Variants in PPP2R3B observed in about 807,000 individuals in gnomAD.
The protein encoded by PPP2R3B is protein phosphatase 2 regulatory subunit B''beta, also known as serine/threonine-protein phosphatase 2A regulatory subunit B'' subunit beta.
A neutral mutation model predicts 72.9 loss-of-function variants in PPP2R3B; 68 were observed. The observed-to-expected ratio is 0.93, with a 90% CI of 0.77 to 1.14. PPP2R3B has a LOEUF of 1.14. Ranked by LOEUF, PPP2R3B falls within the 50% of genes most tolerant of loss-of-function variation. The pLI is 0.00. For synonymous variants in PPP2R3B, 466 were observed against 375.8 expected, an observed-to-expected ratio of 1.24 and a Z score of -2.78; for missense variants, 1,018 against 842.0, an observed-to-expected ratio of 1.21 and a Z score of -2.59.
chrX:356,280 A>G (rs1357226577), intron 2 of PPP2R3B, among the ~76,000 whole-genome samples: 1 of 152,132 alleles, frequency 6.6e-6, no homozygotes, highest in Non-Finnish European at 1.5e-5. Context: ...CAGTGGTGCG[A>G]TCTTGGCTCA....
At chrX:368,071 G>C (rs4906978) in intron 1 of PPP2R3B, among the ~76,000 whole-genome samples, 64,671 of 152,008 alleles carry the variant, frequency 0.43, 14,507 homozygotes, top group African/African-American at 0.57. Flanking sequence ...GACACAAACT[G>C]AGCCCGCTAG....
chrX:364,527 A>AC (rs1482878712), intron 1 of PPP2R3B, among the ~76,000 whole-genome samples: 2 of 151,276 alleles, frequency 1.3e-5, no homozygotes, highest in Non-Finnish European at 1.5e-5. Flanking sequence ...AAAACAAAAA[A>AC]AAAAAAACAG....
rs1433141248 is a variant in PPP2R3B, at chrX:384,014, ACT to A, written c.324+2352_324+2353del. ...CAACATCGTAAGACTGACAGAACAGACTCTGTGGCAAACAAGACCAAGGGCCA... is the reference window on the plus strand; with the variant it reads ...CAACATCGTAAGACTGACAGAACAGACTGTGGCAAACAAGACCAAGGGCCA... On this transcript the variant is annotated intron_variant, in intron 1 of 12. Coordinates refer to ENST00000390665, the MANE Select transcript of PPP2R3B (RefSeq NM_013239.5). Among the ~76,000 whole-genome samples, 3 of 151,892 alleles carry A rather than the reference ACT, an allele frequency of 2.0e-5. No individual in the cohort carries two copies. In the South Asian group the frequency reaches 6.2e-4, roughly 31 times the overall value.
chrX:353,542 A>G (rs2071372288), intron 2 of PPP2R3B, among the ~76,000 whole-genome samples: 1 of 152,204 alleles, frequency 6.6e-6, no homozygotes, highest in Non-Finnish European at 1.5e-5. Context: ...GGCTCCAGAA[A>G]AGTGAATTCT....
At chrX:340,652 G>A (rs190440182) in intron 10 of PPP2R3B, 113 bp downstream of exon 10, 3,277 of 229,398 alleles carry the variant, frequency 0.014, 221 homozygotes, top group East Asian at 0.037. Context: ...TCCCTGGGCT[G>A]TCATCCGTCC....
intron 1 of PPP2R3B, among the ~76,000 whole-genome samples, chrX:366,684 T>C (rs1265825325): frequency 6.8e-5 from 4 of 59,200 alleles, no homozygotes; most frequent in Non-Finnish European, 1.3e-4. Flanking sequence ...GGCGACAGAG[T>C]GAGACTCTGT....
In PPP2R3B at chrX:345,500, CT is replaced by C. The variant is rs772419472; in HGVS notation, c.1036+15del. 9.9e-6 allele frequency: 16 copies of C among 1,612,374 alleles called. No homozygotes were observed. The South Asian group carries it at 1.5e-4, about 15-fold the overall frequency. ...CGGTGTCCGCGCGGCCCGCCCGCCC[CT>C]GTGCCCCCACGCACCGTGGTCATTG... is the stretch of plus-strand genomic sequence containing the variant. On this transcript the variant is annotated intron_variant, in intron 7 of 12. Transcript: ENST00000390665.
At chrX:353,553 A>G (rs1198233293) in intron 2 of PPP2R3B, among the ~76,000 whole-genome samples, 3 of 152,248 alleles carry the variant, frequency 2.0e-5, no homozygotes, top group African/African-American at 7.2e-5. Flanking sequence ...AGTGAATTCT[A>G]AAGGACATTT....
At chrX:346,366 A>ACGGGGC in intron 5 of PPP2R3B, 106 bp from the exon 6 acceptor site, 2 of 1,139,734 alleles carry the variant, frequency 1.8e-6, no homozygotes, top group Non-Finnish European at 2.5e-6. Flanking sequence ...TCTCAGCCGC[A>ACGGGGC]CGGGGCCGCC....
At chrX:369,094 C>T (rs769555745) in intron 1 of PPP2R3B, among the ~76,000 whole-genome samples, 2 of 152,362 alleles carry the variant, frequency 1.3e-5, no homozygotes, top group South Asian at 4.1e-4. Context: ...TCGGGCTGAG[C>T]TGCAGGTCTC....
At chrX:351,927 G>A (rs1219490715) in intron 2 of PPP2R3B, among the ~76,000 whole-genome samples, 28 of 152,200 alleles carry the variant, frequency 1.8e-4, no homozygotes, top group Non-Finnish European at 2.8e-4. Flanking sequence ...ACCCTTGGCC[G>A]CAAGCCATCC....
At chrX:365,165 A>G (rs867558683) in intron 1 of PPP2R3B, among the ~76,000 whole-genome samples, 390 of 53,530 alleles carry the variant, frequency 7.3e-3, no homozygotes, top group Middle Eastern at 0.01. Flanking sequence ...GTGAGCTGAG[A>G]TCGCACTACT....
chrX:348,828 G>A (rs1427767432), intron 2 of PPP2R3B, among the ~76,000 whole-genome samples: 1 of 151,596 alleles, frequency 6.6e-6, no homozygotes, highest in Non-Finnish European at 1.5e-5. Context: ...CCCATGAGTC[G>A]ACCAAACATT....
Position 378,242 on chromosome X carries a change from C to A in PPP2R3B, c.324+8126G>T, listed in dbSNP as rs142509729. On this transcript the variant is annotated intron_variant, in intron 1 of 12. Coordinates refer to ENST00000390665, the MANE Select transcript of PPP2R3B (RefSeq NM_013239.5). ...CGAATCTCCACCGTCCCTCTGCTGT[C>A]GGGACACAATCTTACCATCAACCTC... Among the ~76,000 whole-genome samples the A allele has an allele frequency of 6.4e-3, 981 of 152,314 alleles. 7 individuals are homozygous for A. The highest frequency in any genetic ancestry group is 0.027 in the Middle Eastern group (8 of 294).
chrX:374,917 GC>G (rs1359760197), intron 1 of PPP2R3B, among the ~76,000 whole-genome samples: 1 of 152,036 alleles, frequency 6.6e-6, no homozygotes, highest in Non-Finnish European at 1.5e-5. Flanking sequence ...CCCAACCCCC[GC>G]AAGCCCCGAT....
chrX:373,135 C>G (rs2071902889), intron 1 of PPP2R3B, among the ~76,000 whole-genome samples: 1 of 152,140 alleles, frequency 6.6e-6, no homozygotes, highest in Admixed American at 6.5e-5. Context: ...TGTTTATTAC[C>G]AGCAATGCAA....
intron 1 of PPP2R3B, among the ~76,000 whole-genome samples, chrX:379,446 GTGTGTGTATGCACCTGTGTGTT>G (rs1411351108): frequency 1.3e-4 from 20 of 151,920 alleles, no homozygotes; most frequent in South Asian, 4.2e-4. Context: ...ATGCACCTGT[GTGTGTGTATGCACCTGTGTGTT>G]TGTGTGTATG....
At chrX:350,789 C>T (rs778361739) in intron 2 of PPP2R3B, among the ~76,000 whole-genome samples, 10 of 152,326 alleles carry the variant, frequency 6.6e-5, no homozygotes, top group South Asian at 2.1e-4. Flanking sequence ...AAGCGGCCCA[C>T]GGGGCGGCTG....
intron 2 of PPP2R3B, among the ~76,000 whole-genome samples, chrX:355,052 A>G (rs2071409921): frequency 6.6e-6 from 1 of 152,204 alleles, no homozygotes; most frequent in South Asian, 2.1e-4. Context: ...ACACCGATGC[A>G]GACGAGAAGA....
Sources: gnomAD v4.1 joint callset for allele counts (sites outside exome capture counted in the v4.1 genomes callset) on GRCh38, gnomAD v4.1.1 for gene constraint, MANE v1.5 for transcripts, NCBI Gene and HGNC (gene_info 2026-07-23, HGNC 2026-07-21) for gene names.